ARID4B: variants seen among roughly 807,000 people sequenced by gnomAD.
ARID4B encodes AT-rich interaction domain 4B.
In ARID4B, 26 loss-of-function variants were observed where a neutral mutation model predicts 147.5. The observed-to-expected ratio is 0.18, with a 90% CI of 0.13 to 0.24. The LOEUF is 0.24. Ranked by LOEUF, ARID4B falls within the 10% of genes least tolerant of loss-of-function variation. ARID4B has a pLI of 1.00. For synonymous variants in ARID4B, 512 were observed against 507.9 expected, an observed-to-expected ratio of 1.01 and a Z score of -0.11; for missense variants, 1,179 against 1,511.5, an observed-to-expected ratio of 0.78 and a Z score of 3.65.
intron 8 of ARID4B, 21 bp from the exon 9 acceptor site, chr1:235,234,513 G>T: frequency 6.5e-7 from 1 of 1,540,228 alleles, no homozygotes; most frequent in Non-Finnish European, 8.9e-7. Flanking sequence ...AAAGGGTGAA[G>T]CTATTATAAC....
chr1:235,238,341 G>A (rs899674567), intron 8 of ARID4B, among the ~76,000 whole-genome samples: 1 of 152,044 alleles, frequency 6.6e-6, no homozygotes, highest in Admixed American at 6.6e-5. Flanking sequence ...ATTAACATAA[G>A]GGAAAAAAGC....
At chr1:235,193,770 G>T (rs1243756201) in intron 19 of ARID4B, among the ~76,000 whole-genome samples, 2 of 152,114 alleles carry the variant, frequency 1.3e-5, no homozygotes, top group African/African-American at 4.8e-5. Flanking sequence ...GAGCATTTCA[G>T]ATTTAGAATT....
chr1:235,268,828 A>C (rs1261528071), intron 2 of ARID4B, among the ~76,000 whole-genome samples: 6 of 152,162 alleles, frequency 3.9e-5, no homozygotes, highest in Non-Finnish European at 5.9e-5. Flanking sequence ...TCCTTAGAAA[A>C]ATGGTTGATT....
intron 16 of ARID4B, among the ~76,000 whole-genome samples, chr1:235,218,348 A>C (rs1353833517): frequency 1.3e-5 from 2 of 152,234 alleles, no homozygotes; most frequent in African/African-American, 4.8e-5. Flanking sequence ...AATAAGCAGA[A>C]GCACCAACTT....
chr1:235,305,814 G>A (rs1359423693), intron 2 of ARID4B, among the ~76,000 whole-genome samples: 2 of 151,992 alleles, frequency 1.3e-5, no homozygotes, highest in African/African-American at 2.4e-5. Flanking sequence ...TTAAAAATTC[G>A]CCAGGCATGG....
At chr1:235,302,153 G>GAAAAAAAAAAAAAAAAAAAAAAA (rs749154889) in intron 2 of ARID4B, among the ~76,000 whole-genome samples, 1 of 30,660 alleles carries the variant, frequency 3.3e-5, no homozygotes. Context: ...TCAAAAAACG[G>GAAAAAAAAAAAAAAAAAAAAAAA]AAAAAAAAAA....
At chr1:235,201,894 GTAAAATAAAA>G (rs202134060) in intron 17 of ARID4B, among the ~76,000 whole-genome samples, 19 of 151,520 alleles carry the variant, frequency 1.3e-4, no homozygotes, top group Non-Finnish European at 2.8e-4. Flanking sequence ...AAAAAAATAT[GTAAAATAAAA>G]TAAAATAAAA....
intron 7 of ARID4B, among the ~76,000 whole-genome samples, chr1:235,243,909 C>T (rs1669142834): frequency 6.6e-6 from 1 of 151,968 alleles, no homozygotes. Context: ...ATCAAATTCT[C>T]ATATTAAAAT....
rs758098112 is a variant in ARID4B at position 235,231,187 on chromosome 1, G to A, written c.668C>T (p.Thr223Ile). 5 of 1,543,398 alleles carry A rather than the reference G, an allele frequency of 3.2e-6. No homozygotes were observed. In the African/African-American group the frequency reaches 7.1e-5, roughly 22 times the overall value. The change falls in exon 10 of 24, where the codon ACT becomes ATT. Residue 223 changes from threonine to isoleucine, a missense_variant and splice_region_variant. Physicochemically the swap from Thr to Ile is moderately conservative, Grantham distance 89. Around this residue, in one of 10 missense-constraint regions of ARID4B, gnomAD observed 159 missense variants for 190.5 expected, o/e 0.83. Transcript: ENST00000264183. ...ATGGACATCTTTTCTTGGAACTGAA[G>A]TACTATATATTTTTTTTAATTATAA... is the stretch of plus-strand genomic sequence containing the variant. ...LVRSFKDGKF[T>I]SVPRKDVHEI...
intron 2 of ARID4B, among the ~76,000 whole-genome samples, chr1:235,277,010 A>T (rs1162698382): frequency 6.6e-6 from 1 of 152,084 alleles, no homozygotes; most frequent in Non-Finnish European, 1.5e-5. Flanking sequence ...GAAAAAAAAA[A>T]AAAAAAGATA....
chr1:235,316,967 T>TG (rs1282103710), intron 2 of ARID4B, among the ~76,000 whole-genome samples: 4 of 152,216 alleles, frequency 2.6e-5, no homozygotes, highest in African/African-American at 9.6e-5. Flanking sequence ...TTTTCAGATT[T>TG]GGGATGTTCA....
intron 2 of ARID4B, among the ~76,000 whole-genome samples, chr1:235,311,503 C>A (rs1674048838): frequency 6.6e-6 from 1 of 151,992 alleles, no homozygotes; most frequent in Non-Finnish European, 1.5e-5. Context: ...TTACTGAAGG[C>A]CAGGCACAGT....
intron 17 of ARID4B, among the ~76,000 whole-genome samples, chr1:235,209,607 A>C (rs887560805): frequency 2.1e-5 from 3 of 143,334 alleles, no homozygotes; most frequent in African/African-American, 7.9e-5. Context: ...TCTGTCACCC[A>C]GGCTGGAGTG....
intron 2 of ARID4B, among the ~76,000 whole-genome samples, chr1:235,303,380 G>GA (rs1298835922): frequency 9.5e-4 from 135 of 141,522 alleles, no homozygotes; most frequent in Middle Eastern, 3.6e-3. Context: ...AGAGGTGGGG[G>GA]AAAAAAAAAA....
chr1:235,229,209 G>T (rs1376859438), intron 11 of ARID4B, 22 bp downstream of exon 11: 1 of 1,601,866 alleles, frequency 6.2e-7, no homozygotes, highest in Non-Finnish European at 8.5e-7. Flanking sequence ...AATTTTAAAA[G>T]GTATCAACTG....
chr1:235,298,484 G>A (rs944749408), intron 2 of ARID4B, among the ~76,000 whole-genome samples: 17 of 146,408 alleles, frequency 1.2e-4, no homozygotes, highest in Non-Finnish European at 1.9e-4. Flanking sequence ...TGAATATAAC[G>A]TATATTTATA....
Position 235,166,997 on chromosome 1 carries a change from T to C in ARID4B, c.*1528A>G, listed in dbSNP as rs534002467. 1 of 181,228 alleles carries C rather than the reference T, an allele frequency of 5.5e-6. No homozygotes were observed. Among genetic ancestry groups the C allele is most frequent in the African/African-American group, 2.4e-5 (1 of 42,524 alleles). The allele number at this position is 181,228 out of a possible 1,614,324, so 11.2% of individuals were successfully genotyped here. ...TGTTTGCAGATCCTAATATATACTT[T>C]ATAGCTTTTATTCTATAAGCTTTTT... On this transcript the variant is annotated 3_prime_UTR_variant, in exon 24 of 24. Transcript: ENST00000264183.
At chr1:235,192,194 GACTATAATTACTTCTGGGAGGAGACAT>G in intron 19 of ARID4B, among the ~76,000 whole-genome samples, 1 of 152,114 alleles carries the variant, frequency 6.6e-6, no homozygotes, top group African/African-American at 2.4e-5. Context: ...CAAAAGTCCA[GACTATAATTACTTCTGGGAGGAGACAT>G]ACTACGAAGT....
intron 21 of ARID4B, chr1:235,177,476 T>G (rs1287245280): frequency 5.9e-6 from 1 of 169,376 alleles, no homozygotes; most frequent in Non-Finnish European, 1.3e-5. Flanking sequence ...AGAAATTCTT[T>G]TTTCTTTTTA....
Sources: allele counts gnomAD v4.1 joint callset (sites outside exome capture counted in the v4.1 genomes callset), GRCh38; gene constraint gnomAD v4.1.1; regional missense constraint gnomAD v4.1.1; transcripts MANE v1.5; gene names NCBI Gene and HGNC (gene_info 2026-07-23, HGNC 2026-07-21).